Variants in PLEKHM3 observed in about 807,000 individuals in gnomAD.
The protein encoded by PLEKHM3 is pleckstrin homology domain containing M3.
Under a neutral mutation model 81.8 loss-of-function variants are expected in PLEKHM3, and 45 were observed. The ratio of observed to expected loss-of-function variants is 0.55; its 90% CI spans 0.43 to 0.71. The LOEUF is 0.71. PLEKHM3 is among the 30% of genes least tolerant of loss of function. The probability of loss-of-function intolerance (pLI) is 0.00; values close to 1 mark genes in which losing one functional copy is unlikely to be tolerated. For missense variants in PLEKHM3, 788 were observed against 924.3 expected (o/e 0.85, Z 1.91); for synonymous variants, 352 against 356.4 (o/e 0.99, Z 0.14).
chr2:207,821,307 TGAGAGA>T lies in PLEKHM3; in HGVS notation c.*7006_*7011del, dbSNP rs145301000. On this transcript the variant is annotated 3_prime_UTR_variant, in exon 8 of 8. Transcript: ENST00000427836. ...GGAAAGTATTTTCTGCATTGTTTAT[TGAGAGA>T]GAGAGAGAGAGAACTTTATACATTA... The T allele has an allele frequency of 2.0e-5, 3 of 150,616 alleles. No individual in the cohort carries two copies. Among genetic ancestry groups the T allele is most frequent in the Non-Finnish European group, 4.4e-5 (3 of 67,522 alleles). 9.3% of individuals were successfully genotyped at this position (150,616 alleles called of 1,614,324 possible). A position where few individuals can be genotyped will look rare whatever the true frequency, so the allele number is the denominator to read the frequency against.
chr2:208,003,569 AATGATT>A (rs1692385320), intron 1 of PLEKHM3, among the ~76,000 whole-genome samples: 1 of 152,204 alleles, frequency 6.6e-6, no homozygotes, highest in African/African-American at 2.4e-5. Flanking sequence ...GCAAAGTGAT[AATGATT>A]ATGAATTTGT....
chr2:207,849,216 C>T (rs2092399520), intron 7 of PLEKHM3, among the ~76,000 whole-genome samples: 1 of 152,060 alleles, frequency 6.6e-6, no homozygotes, highest in African/African-American at 2.4e-5. Flanking sequence ...CACTTGTAAT[C>T]CCAGCTACTC....
At chr2:207,829,608 G>A (rs1377240648) in intron 7 of PLEKHM3, among the ~76,000 whole-genome samples, 9 of 152,126 alleles carry the variant, frequency 5.9e-5, no homozygotes, top group Non-Finnish European at 1.3e-4. Context: ...TAACTGACAA[G>A]CTCAAATACA....
At chr2:207,884,338 G>C (rs924582872) in intron 6 of PLEKHM3, among the ~76,000 whole-genome samples, 9 of 151,984 alleles carry the variant, frequency 5.9e-5, no homozygotes, top group Non-Finnish European at 1.3e-4. Flanking sequence ...TTCTAGCCAG[G>C]GCAATCATGC....
chr2:207,906,581 A>G (rs1389128838), intron 6 of PLEKHM3, among the ~76,000 whole-genome samples: 5 of 151,974 alleles, frequency 3.3e-5, no homozygotes, highest in Non-Finnish European at 5.9e-5. Flanking sequence ...TTGAGGTCAG[A>G]AGTTTGAAAC....
intron 7 of PLEKHM3, among the ~76,000 whole-genome samples, chr2:207,844,498 G>A (rs1302207701): frequency 6.6e-6 from 1 of 151,358 alleles, no homozygotes; most frequent in African/African-American, 2.4e-5. Flanking sequence ...AGTGGAGACG[G>A]GGTTTCACCG....
intron 2 of PLEKHM3, among the ~76,000 whole-genome samples, chr2:207,994,243 T>G (rs1212263443): frequency 6.6e-6 from 1 of 152,220 alleles, no homozygotes; most frequent in Non-Finnish European, 1.5e-5. Flanking sequence ...AACCTGTATT[T>G]CATATATATG....
chr2:207,951,714 T>C (rs1490955531), intron 3 of PLEKHM3, among the ~76,000 whole-genome samples: 3 of 152,192 alleles, frequency 2.0e-5, no homozygotes, highest in Admixed American at 1.3e-4. Flanking sequence ...AATCTGTTGC[T>C]GGGGGTTGTG....
rs545679390 is a variant in PLEKHM3 at position 207,945,025 on chromosome 2, C to T, written c.1692+1342G>A. On this transcript the variant is annotated intron_variant, in intron 4 of 7. Coordinates refer to ENST00000427836, the MANE Select transcript of PLEKHM3 (RefSeq NM_001080475.3). The stretch of plus-strand genomic sequence containing the variant: ...TCTCTCTCTCTATTCTATGTTGAAC[C>T]CACTTCAATCAGACCTTTGCTCCCA... Among the ~76,000 whole-genome samples the T allele has an allele frequency of 5.3e-5, 8 of 152,214 alleles. No homozygotes were observed. In the South Asian group the frequency reaches 1.7e-3, roughly 32 times the overall value.
chr2:207,940,020 G>A (rs1689885691), intron 4 of PLEKHM3, among the ~76,000 whole-genome samples: 1 of 152,220 alleles, frequency 6.6e-6, no homozygotes, highest in African/African-American at 2.4e-5. Context: ...GGAACATCTG[G>A]TGAGTGTGAT....
chr2:207,883,842 T>G (rs1418244999), intron 6 of PLEKHM3, among the ~76,000 whole-genome samples: 2 of 152,188 alleles, frequency 1.3e-5, no homozygotes, highest in Non-Finnish European at 2.9e-5. Context: ...AAAAGAATTA[T>G]ACACTATGAC....
rs749417045 is a variant in PLEKHM3, at chr2:207,828,377, A to G, written c.2228T>C (p.Met743Thr). The stretch of plus-strand genomic sequence containing the variant: ...GCAAGCCTCCTCTAGACTCTCGTCC[A>G]TGTTCAGTCTCTGCCAGAAAGACTT... Reference protein sequence around the residue: ...KQKSFWQRLNMDESLEEACTM... With the variant: ...KQKSFWQRLNTDESLEEACTM... Residue 743 changes from methionine (M) to threonine (T), a missense_variant, in exon 8 of 8, where the codon ATG (methionine) becomes ACG (threonine). Met to Thr is a moderately conservative substitution (Grantham distance 81, BLOSUM62 -1). Coordinates refer to ENST00000427836, the MANE Select transcript of PLEKHM3 (RefSeq NM_001080475.3). 3 of 1,613,964 alleles carry G rather than the reference A, an allele frequency of 1.9e-6. No individual in the cohort carries two copies. The highest frequency in any genetic ancestry group is 1.6e-4 in the Middle Eastern group (1 of 6,062).
At chr2:208,020,959 A>C (rs1693111879) in intron 1 of PLEKHM3, among the ~76,000 whole-genome samples, 1 of 152,238 alleles carries the variant, frequency 6.6e-6, no homozygotes, top group African/African-American at 2.4e-5. Flanking sequence ...AAAACTGCCC[A>C]GTCTAACCTT....
chr2:207,889,586 G>A (rs1413196099), intron 6 of PLEKHM3, among the ~76,000 whole-genome samples: 1 of 151,974 alleles, frequency 6.6e-6, no homozygotes, highest in Non-Finnish European at 1.5e-5. Flanking sequence ...CCCTTAGGAG[G>A]CCTAGCCAAG....
intron 6 of PLEKHM3, among the ~76,000 whole-genome samples, chr2:207,886,880 C>T (rs1027931741): frequency 2.0e-4 from 30 of 152,192 alleles, no homozygotes; most frequent in African/African-American, 7.2e-4. Context: ...CTGGCCAAAA[C>T]AGCCTTCCTG....
chr2:207,908,409 T>G, intron 6 of PLEKHM3, 105 bp downstream of exon 6: 2 of 1,076,702 alleles, frequency 1.9e-6, no homozygotes, highest in South Asian at 1.4e-5. Context: ...GGGTTTCTGA[T>G]GAAAACTACC....
rs754937776 is a variant in PLEKHM3, at chr2:207,977,076, T to C, written c.1121A>G (p.Gln374Arg). 6.2e-7 allele frequency: 1 copy of C among 1,614,242 alleles called. No homozygotes were observed. The highest frequency in any genetic ancestry group is 8.5e-7 in the Non-Finnish European group (1 of 1,180,040). ...KSGTLYRLTV[Q>R]NNWKAFTFVL... is the part of the protein sequence containing the mutation. ...AAATGTAAATGCCTTCCAGTTGTTT[T>C]GGACAGTCAGCCTGTAGAGAGTCCC... Residue 374 changes from glutamine to arginine, a missense_variant, in exon 3 of 8, where the codon CAA (glutamine) becomes CGA (arginine). By Grantham distance (43) the Gln-to-Arg change is conservative. Transcript: ENST00000427836.
intron 6 of PLEKHM3, among the ~76,000 whole-genome samples, chr2:207,880,723 A>T (rs1474665215): frequency 2.3e-5 from 3 of 131,580 alleles, no homozygotes; most frequent in African/African-American, 8.3e-5. Flanking sequence ...AGATCGTGCC[A>T]CTGCACTCCA....
intron 2 of PLEKHM3, among the ~76,000 whole-genome samples, chr2:207,978,346 ATTACTT>A (rs369061484): frequency 3.8e-4 from 56 of 148,660 alleles, no homozygotes; most frequent in Middle Eastern, 6.8e-3. Flanking sequence ...GGTTTTTACC[ATTACTT>A]TTAACGGTAA....
Sources: allele counts gnomAD v4.1 joint callset (sites outside exome capture counted in the v4.1 genomes callset), GRCh38; gene constraint gnomAD v4.1.1; transcripts MANE v1.5; gene names NCBI Gene and HGNC (gene_info 2026-07-23, HGNC 2026-07-21).